Variants in PCF11 observed in about 807,000 individuals in gnomAD.
PCF11 encodes PCF11 cleavage and polyadenylation factor subunit.
In PCF11, 19 loss-of-function variants were observed where a neutral mutation model predicts 166.1. The ratio of observed to expected loss-of-function variants is 0.11; its 90% CI spans 0.08 to 0.17. The LOEUF (loss-of-function observed/expected upper bound fraction) is 0.17, where lower values mean the gene tolerates loss of function less well. Ranked by LOEUF, PCF11 falls within the 10% of genes least tolerant of loss-of-function variation. The probability of loss-of-function intolerance (pLI) is 1.00; values close to 1 mark genes in which losing one functional copy is unlikely to be tolerated. For missense variants in PCF11, 1,565 were observed against 1,855.5 expected (o/e 0.84, Z 2.88); for synonymous variants, 663 against 644.1 (o/e 1.03, Z -0.44).
At chr11:83,179,020 G>GT (rs1860988700) in intron 11 of PCF11, among the ~76,000 whole-genome samples, 1 of 151,620 alleles carries the variant, frequency 6.6e-6, no homozygotes. Context: ...TTAATCCTGT[G>GT]AGTACTTTAT....
chr11:83,169,779 A>C, exon 8 of PCF11: 1 of 1,613,866 alleles, frequency 6.2e-7, no homozygotes, highest in Non-Finnish European at 8.5e-7. Flanking sequence ...CCCCATCCCA[A>C]GGACTACAGT....
intron 11 of PCF11, among the ~76,000 whole-genome samples, chr11:83,179,125 T>C (rs538707032): frequency 3.7e-4 from 56 of 152,204 alleles, no homozygotes; most frequent in Admixed American, 7.2e-4. Context: ...TTTTTCAAAG[T>C]AATACTTTCA....
At position 83,185,447 on chromosome 11, in the gene PCF11, G is replaced by GATATATAT. The variant is rs34956679; in HGVS notation, c.*563_*570dup. The stretch of plus-strand genomic sequence containing the variant: ...AAGATAAAATAGGACATATTTTGCA[G>GATATATAT]ATATATATATATATATACACAAACA... On this transcript the variant is annotated 3_prime_UTR_variant, in exon 16 of 16. Coordinates refer to ENST00000298281, the Ensembl canonical transcript of PCF11. 1.5e-3 allele frequency: 231 copies of GATATATAT among 149,356 alleles called. 1 individual carries two copies. The highest frequency in any genetic ancestry group is 5.3e-3 in the African/African-American group (217 of 40,926). The allele number at this position is 149,356 out of a possible 1,614,324, so 9.3% of individuals were successfully genotyped here.
chr11:83,184,956 A>C, exon 16 of PCF11: 1 of 1,181,560 alleles, frequency 8.5e-7, no homozygotes, highest in Non-Finnish European at 1.2e-6. Flanking sequence ...TAGAAGGTGA[A>C]GAATTTTTTT....
chr11:83,165,814 C>A, exon 5 of PCF11: 1 of 1,610,660 alleles, frequency 6.2e-7, no homozygotes, highest in Non-Finnish European at 8.5e-7. Context: ...AGCCAACATT[C>A]TCATGGAAAA....
At chr11:83,169,869 C>A in exon 8 of PCF11, 1 of 1,613,454 alleles carries the variant, frequency 6.2e-7, no homozygotes, top group Non-Finnish European at 8.5e-7. Context: ...ACCAGAGTTT[C>A]TCTAATCCAC....
chr11:83,165,853 T>C, exon 5 of PCF11: 1 of 1,608,044 alleles, frequency 6.2e-7, no homozygotes, highest in Non-Finnish European at 8.5e-7. Context: ...GAATTTCTAA[T>C]GAACACATTA....
At chr11:83,175,944 T>C (rs1205146693) in intron 9 of PCF11, among the ~76,000 whole-genome samples, 1 of 152,208 alleles carries the variant, frequency 6.6e-6, no homozygotes, top group Non-Finnish European at 1.5e-5. Context: ...CTTGAGCTGC[T>C]TTGCAAGGGC....
chr11:83,160,833 G>A (rs1860220580), intron 1 of PCF11, among the ~76,000 whole-genome samples: 1 of 152,136 alleles, frequency 6.6e-6, no homozygotes, highest in Non-Finnish European at 1.5e-5. Flanking sequence ...TTGGATTATA[G>A]AGAAGTAATC....
chr11:83,169,173 T>C (rs775170132), exon 8 of PCF11: 9 of 1,613,456 alleles, frequency 5.6e-6, no homozygotes, highest in Non-Finnish European at 7.6e-6. Flanking sequence ...TTGAGGGCCC[T>C]TTGCTACAGC....
At chr11:83,169,992 A>G in exon 8 of PCF11, 9 of 1,578,140 alleles carry the variant, frequency 5.7e-6, no homozygotes, top group Non-Finnish European at 7.7e-6. Context: ...AGGCATCTCA[A>G]CAGGTAAGTC....
chr11:83,186,964 G>C (rs1861312490), exon 16 of PCF11: 1 of 152,270 alleles, frequency 6.6e-6, no homozygotes, highest in Non-Finnish European at 1.5e-5. Flanking sequence ...AGAGGGTCAA[G>C]GATGGGGGAA....
chr11:83,174,572 A>G (rs922647642), intron 9 of PCF11, among the ~76,000 whole-genome samples: 3 of 151,970 alleles, frequency 2.0e-5, no homozygotes, highest in Admixed American at 6.6e-5. Context: ...TTGGTTTAAC[A>G]AAAAACACAT....
At chr11:83,169,985 C>A in exon 8 of PCF11, 1 of 1,584,612 alleles carries the variant, frequency 6.3e-7, no homozygotes, top group Admixed American at 1.9e-5. Context: ...AATATTCAGG[C>A]ATCTCAACAG....
intron 1 of PCF11, 123 bp downstream of exon 1, chr11:83,157,754 C>A: frequency 1.2e-6 from 1 of 865,122 alleles, no homozygotes; most frequent in Non-Finnish European, 1.8e-6. Flanking sequence ...CCCCCCCACC[C>A]CCCTCCAACT....
At chr11:83,159,899 G>T (rs1860162931) in intron 1 of PCF11, among the ~76,000 whole-genome samples, 1 of 152,116 alleles carries the variant, frequency 6.6e-6, no homozygotes, top group Non-Finnish European at 1.5e-5. Context: ...TAAAAAATTA[G>T]CCTACTTAAC....
At chr11:83,183,391 T>C (rs1473259979) in intron 15 of PCF11, among the ~76,000 whole-genome samples, 1 of 152,188 alleles carries the variant, frequency 6.6e-6, no homozygotes, top group African/African-American at 2.4e-5. Context: ...AAAGTGAAGA[T>C]AAGGATCCTG....
exon 16 of PCF11, chr11:83,186,341 G>C (rs1861290937): frequency 6.6e-6 from 1 of 152,144 alleles, no homozygotes; most frequent in Non-Finnish European, 1.5e-5. Flanking sequence ...AAATACTTTT[G>C]TGTTTTCAAA....
Position 83,166,297 on chromosome 11 carries a change from A to C in PCF11, c.1400A>C (p.Gln467Pro), listed in dbSNP as rs577705098. 603 of 1,613,590 alleles carry C rather than the reference A, an allele frequency of 3.7e-4. 9 individuals carry two copies. In the South Asian group the frequency reaches 6.1e-3, roughly 16 times the overall value. The change falls in exon 5 of 16, where the codon CAG becomes CCG. Residue 467 changes from glutamine (Q) to proline (P), a missense_variant. Physicochemically the swap from Gln to Pro is moderately conservative, Grantham distance 76. Coordinates refer to ENST00000298281, the Ensembl canonical transcript of PCF11. The stretch of plus-strand genomic sequence containing the variant: ...ACAATAACAGAAGAGTCAGAAAAAC[A>C]GGGGACAAAACCAGGGAGATCGAGT...
Sources: gnomAD v4.1 joint callset for allele counts (sites outside exome capture counted in the v4.1 genomes callset) on GRCh38, gnomAD v4.1.1 for gene constraint, MANE v1.5 for transcripts, NCBI Gene and HGNC (gene_info 2026-07-23, HGNC 2026-07-21) for gene names.